Variants in NDUFS1 observed in about 807,000 individuals in gnomAD.
NDUFS1 encodes NADH-ubiquinone oxidoreductase 75 kDa subunit, mitochondrial.
A neutral mutation model predicts 84.4 loss-of-function variants in NDUFS1; 61 were observed. That is an observed-to-expected ratio of 0.72 (90% CI 0.59 to 0.89). The LOEUF is 0.89. Among genes scored for constraint, NDUFS1 ranks in the 40% least tolerant of loss-of-function variants. The pLI is 0.00. For missense variants in NDUFS1, 891 were observed against 890.0 expected (o/e 1.00, Z -0.01); for synonymous variants, 275 against 290.0 (o/e 0.95, Z 0.53).
intron 18 of NDUFS1, among the ~76,000 whole-genome samples, chr2:206,125,014 C>CT (rs879736435): frequency 1.4e-3 from 209 of 145,638 alleles, no homozygotes; most frequent in East Asian, 4.8e-3. Context: ...AATAATCTCA[C>CT]TTTTTTTTTT....
In NDUFS1 at chr2:206,116,235, G is replaced by C; in HGVS notation, c.*7950C>G. 1 of 1,248,502 alleles carries C rather than the reference G, an allele frequency of 8.0e-7. No homozygotes were observed. Among genetic ancestry groups the C allele is most frequent in the Non-Finnish European group, 1.2e-6 (1 of 846,328 alleles). 77.3% of individuals were successfully genotyped at this position (1,248,502 alleles called of 1,614,324 possible). On this transcript the variant is annotated 3_prime_UTR_variant, in exon 19 of 19. Coordinates refer to ENST00000233190, the MANE Select transcript of NDUFS1 (RefSeq NM_005006.7). ...TCTTCATAACGAGATTTGTTTACAA[G>C]TCCTGGATTTTCTGCAAGAGCTTCA...
Position 206,159,429 on chromosome 2 carries a change from G to T in NDUFS1, c.-93C>A. On this transcript the variant is annotated 5_prime_UTR_variant, in exon 1 of 19. Coordinates refer to ENST00000233190, the MANE Select transcript of NDUFS1 (RefSeq NM_005006.7). ...GGCCGGGTCGCTTATTCAATATGGC[G>T]GCCTCGGCTAACTCTGTCAGCCGGG... 1 of 459,730 alleles carries T rather than the reference G, an allele frequency of 2.2e-6. No homozygotes were observed. The highest frequency in any genetic ancestry group is 3.9e-6 in the Non-Finnish European group (1 of 254,472). The allele number at this position is 459,730 out of a possible 1,614,324, so 28.5% of individuals were successfully genotyped here. A position where few individuals can be genotyped will look rare whatever the true frequency, so the allele number is the denominator to read the frequency against.
rs772229851 is a variant in NDUFS1 at position 206,119,439 on chromosome 2, T to G, written c.*4746A>C. The G allele has an allele frequency of 8.5e-5, 13 of 152,208 alleles. No homozygotes were observed. Among genetic ancestry groups the G allele is most frequent in the Non-Finnish European group, 1.8e-4 (12 of 68,034 alleles). 9.4% of individuals were successfully genotyped at this position (152,208 alleles called of 1,614,324 possible). On this transcript the variant is annotated 3_prime_UTR_variant, in exon 19 of 19. Transcript: ENST00000233190. Reference sequence around the variant, plus strand: ...TTTTTACTTTTTTTCAGACAGAGTCTCACTCTGTCACCCAGGCTGGAGTGC... The same window carrying G: ...TTTTTACTTTTTTTCAGACAGAGTCGCACTCTGTCACCCAGGCTGGAGTGC...
intron 12 of NDUFS1, among the ~76,000 whole-genome samples, chr2:206,139,130 T>TA (rs1232849195): frequency 0.024 from 3,356 of 137,796 alleles, 120 homozygotes; most frequent in African/African-American, 0.083. Flanking sequence ...ATAAAAAATT[T>TA]AAAAAAAAAA....
rs1169572175 is a variant in NDUFS1, at chr2:206,123,480, T to C, written c.*705A>G. The stretch of plus-strand genomic sequence containing the variant: ...AATCAACATTAATGAGACGAAATAA[T>C]ATGTTGCAGTTAAGAACAACAGGCT... On this transcript the variant is annotated 3_prime_UTR_variant, in exon 19 of 19. Coordinates refer to ENST00000233190, the MANE Select transcript of NDUFS1 (RefSeq NM_005006.7). The C allele has an allele frequency of 6.6e-6, 1 of 152,178 alleles. No individual in the cohort carries two copies. Among genetic ancestry groups the C allele is most frequent in the East Asian group, 1.9e-4 (1 of 5,204 alleles). The allele number at this position is 152,178 out of a possible 1,614,324, so 9.4% of individuals were successfully genotyped here. A position where few individuals can be genotyped will look rare whatever the true frequency, so the allele number is the denominator to read the frequency against.
chr2:206,135,976 G>A (rs1156917768), intron 13 of NDUFS1, among the ~76,000 whole-genome samples: 1 of 151,264 alleles, frequency 6.6e-6, no homozygotes, highest in East Asian at 1.9e-4. Flanking sequence ...ATGCACTGAC[G>A]ACAGCAAAGC....
At chr2:206,159,036 C>T (rs1687798517) in intron 1 of NDUFS1, 1 of 1,524,590 alleles carries the variant, frequency 6.6e-7, no homozygotes, top group Non-Finnish European at 8.8e-7. Flanking sequence ...ACGGCCTCCT[C>T]CTCTGAGAGG....
At chr2:206,133,678 A>G (rs1691598321) in intron 13 of NDUFS1, among the ~76,000 whole-genome samples, 1 of 152,194 alleles carries the variant, frequency 6.6e-6, no homozygotes, top group South Asian at 2.1e-4. Context: ...AGATGGGCAA[A>G]TAAGATGTAA....
intron 13 of NDUFS1, among the ~76,000 whole-genome samples, chr2:206,136,333 T>C (rs1276902692): frequency 6.6e-6 from 1 of 151,662 alleles, no homozygotes; most frequent in Non-Finnish European, 1.5e-5. Flanking sequence ...ATTACAGGCA[T>C]GAGCCACCGC....
chr2:206,127,222 C>T (rs1430022765), intron 16 of NDUFS1, among the ~76,000 whole-genome samples: 1 of 152,208 alleles, frequency 6.6e-6, no homozygotes, highest in Non-Finnish European at 1.5e-5. Flanking sequence ...GACAAGTCAA[C>T]AATTTTCAAC....
chr2:206,141,820 C>G, intron 12 of NDUFS1, 121 bp downstream of exon 12: 4 of 773,620 alleles, frequency 5.2e-6, no homozygotes, highest in South Asian at 1.8e-5. Context: ...AAAAAATTGT[C>G]TTCCAGTTAT....
At position 206,123,925 on chromosome 2, in the gene NDUFS1, T is replaced by C. The variant is rs533945795; in HGVS notation, c.*260A>G. 1 of 374,770 alleles carries C rather than the reference T, an allele frequency of 2.7e-6. No individual in the cohort carries two copies. Among genetic ancestry groups the C allele is most frequent in the Non-Finnish European group, 4.8e-6 (1 of 210,048 alleles). The allele number at this position is 374,770 out of a possible 1,614,324, so 23.2% of individuals were successfully genotyped here. On this transcript the variant is annotated 3_prime_UTR_variant, in exon 19 of 19. Transcript: ENST00000233190. ...AACAACTCATAATTTAAGGATCTCT[T>C]TATGTTCGTCACAAAGGTTATCAAT...
chr2:206,157,378 T>C (rs1268667116), intron 1 of NDUFS1, among the ~76,000 whole-genome samples: 1 of 152,208 alleles, frequency 6.6e-6, no homozygotes, highest in Non-Finnish European at 1.5e-5. Context: ...TACCAGACTG[T>C]AAGCTCCTTG....
At chr2:206,158,260 C>T (rs1687754059) in intron 1 of NDUFS1, among the ~76,000 whole-genome samples, 1 of 152,160 alleles carries the variant, frequency 6.6e-6, no homozygotes, top group South Asian at 2.1e-4. Context: ...CCGCCTCCGG[C>T]CTTCAATAGC....
At position 206,130,242 on chromosome 2, in the gene NDUFS1, C is replaced by A. The variant is rs1001918656; in HGVS notation, c.1554G>T (p.Arg518Ser). ...GDWKVMNILHRIASQVAALDL... is the reference protein window; with the variant it reads ...GDWKVMNILHSIASQVAALDL... Reference sequence around the variant, plus strand: ...CCAAAGCAGCTACTTGACTTGCAATCCTGCAAAGCAATTATGGAATTTTAC... The same window carrying A: ...CCAAAGCAGCTACTTGACTTGCAATACTGCAAAGCAATTATGGAATTTTAC... The change falls in exon 15 of 19, where the codon AGG becomes AGT. Residue 518 changes from arginine (R) to serine (S), a missense_variant and splice_region_variant. Arg to Ser is a moderately radical substitution (Grantham distance 110). Coordinates refer to ENST00000233190, the MANE Select transcript of NDUFS1 (RefSeq NM_005006.7). 1 of 1,614,110 alleles carries A rather than the reference C, an allele frequency of 6.2e-7. No homozygotes were observed. Among genetic ancestry groups the A allele is most frequent in the Admixed American group, 1.7e-5 (1 of 60,020 alleles).
intron 12 of NDUFS1, among the ~76,000 whole-genome samples, chr2:206,140,759 G>A (rs943261988): frequency 6.6e-6 from 1 of 151,946 alleles, no homozygotes; most frequent in East Asian, 1.9e-4. Flanking sequence ...GACTACAAGC[G>A]TGAGCCACCA....
At chr2:206,125,429 T>G (rs1412381395) in intron 18 of NDUFS1, among the ~76,000 whole-genome samples, 2 of 151,868 alleles carry the variant, frequency 1.3e-5, no homozygotes, top group South Asian at 4.1e-4. Context: ...GCCACTGCAC[T>G]TCAGCCTGGG....
In NDUFS1 at chr2:206,122,632, A is replaced by AAAAAAAAAAAC. The variant is rs1435673936; in HGVS notation, c.*1552_*1553insGTTTTTTTTTT. On this transcript the variant is annotated 3_prime_UTR_variant, in exon 19 of 19. Coordinates refer to ENST00000233190, the MANE Select transcript of NDUFS1 (RefSeq NM_005006.7). ...GTGACAGAGTAAGACTCCATCTCAA[A>AAAAAAAAAAAC]AAAAAAAAAAAAACAAAGGGAAAAA... 1.7e-4 allele frequency: 26 copies of AAAAAAAAAAAC among 151,346 alleles called. No homozygotes were observed. In the South Asian group the frequency reaches 2.1e-3, roughly 12 times the overall value. 9.4% of individuals were successfully genotyped at this position (151,346 alleles called of 1,614,324 possible). A position where few individuals can be genotyped will look rare whatever the true frequency, so the allele number is the denominator to read the frequency against.
intron 12 of NDUFS1, among the ~76,000 whole-genome samples, chr2:206,141,430 G>A (rs1418885900): frequency 6.6e-6 from 1 of 151,918 alleles, no homozygotes. Context: ...TACTCGGGAG[G>A]CTGAGGCAGG....
Sources: allele counts gnomAD v4.1 joint callset (sites outside exome capture counted in the v4.1 genomes callset), GRCh38; gene constraint gnomAD v4.1.1; transcripts MANE v1.5; gene names NCBI Gene and HGNC (gene_info 2026-07-23, HGNC 2026-07-21).